TNIP3: variants seen among roughly 807,000 people sequenced by gnomAD.
The protein encoded by TNIP3 is TNFAIP3 interacting protein 3.
Under a neutral mutation model 54.1 loss-of-function variants are expected in TNIP3, and 34 were observed. The observed-to-expected ratio is 0.63, with a 90% CI of 0.48 to 0.84. The LOEUF (loss-of-function observed/expected upper bound fraction) is 0.84, where lower values mean the gene tolerates loss of function less well. Ranked by LOEUF, TNIP3 falls within the 40% of genes least tolerant of loss-of-function variation. TNIP3 has a pLI of 0.00. For synonymous variants in TNIP3, 134 were observed against 136.8 expected (o/e 0.98, Z 0.14); for missense variants, 366 against 387.6 (o/e 0.94, Z 0.47).
intron 2 of TNIP3, chr4:121,192,838 A>G (rs1725370959): frequency 6.6e-6 from 1 of 152,140 alleles, no homozygotes; most frequent in African/African-American, 2.4e-5. Flanking sequence ...GCATCCTTTC[A>G]TGTAGGCCGT....
chr4:121,201,682 G>A (rs1281880657), intron 2 of TNIP3, among the ~76,000 whole-genome samples: 1 of 152,112 alleles, frequency 6.6e-6, no homozygotes, highest in Non-Finnish European at 1.5e-5. Flanking sequence ...TAACCAACTA[G>A]CTATGATTTG....
At chr4:121,178,400 T>G (rs9307490) in intron 3 of TNIP3, among the ~76,000 whole-genome samples, 50,734 of 152,156 alleles carry the variant, frequency 0.33, 9,965 homozygotes, top group African/African-American at 0.55. Flanking sequence ...AACACTGGAA[T>G]TGCAAGCTAA....
rs550681150 is a variant in TNIP3 at position 121,173,883 on chromosome 4, G to A, written c.189+8793C>T. On this transcript the variant is annotated intron_variant, in intron 3 of 12. Coordinates refer to the TNIP3 transcript ENST00000507879. ...TGACCACAAGTGATCCACCTGCCTC[G>A]GCCTCCCAAAGTGCTGGGATTACAG... Among the ~76,000 whole-genome samples, 11 of 152,162 alleles carry A rather than the reference G, an allele frequency of 7.2e-5. No homozygotes were observed. The East Asian group carries it at 9.7e-4, about 13-fold the overall frequency.
chr4:121,137,796 C>T (rs954075174), intron 10 of TNIP3: 3 of 361,954 alleles, frequency 8.3e-6, no homozygotes, highest in Admixed American at 3.4e-5. Flanking sequence ...AGCTCATCTT[C>T]AGCATTTTTA....
chr4:121,170,890 A>T lies in TNIP3; in HGVS notation c.190-6744T>A, dbSNP rs976544843. On this transcript the variant is annotated intron_variant, in intron 3 of 12. Transcript: ENST00000507879. ...GAGTGCAGTAGCATGATCTCAGCTC[A>T]CTGCAATCTCTGCCTCCCGGGTTCA... Among the ~76,000 whole-genome samples, 4 of 152,022 alleles carry T rather than the reference A, an allele frequency of 2.6e-5. No homozygotes were observed. The East Asian group carries it at 7.7e-4, about 29-fold the overall frequency.
At chr4:121,208,392 C>T (rs1296579299) in intron 2 of TNIP3, among the ~76,000 whole-genome samples, 1 of 152,166 alleles carries the variant, frequency 6.6e-6, no homozygotes, top group African/African-American at 2.4e-5. Flanking sequence ...GATCAATAAA[C>T]TGATTCATCT....
upstream of TNIP3, among the ~76,000 whole-genome samples, chr4:121,219,074 C>T (rs2148851936): frequency 6.6e-6 from 1 of 152,130 alleles, no homozygotes; most frequent in African/African-American, 2.4e-5. Context: ...GTGGTGTGCA[C>T]CTGTAATCCC....
At chr4:121,133,022 A>C (rs1272270301) in intron 10 of TNIP3, among the ~76,000 whole-genome samples, 3 of 152,186 alleles carry the variant, frequency 2.0e-5, no homozygotes, top group Non-Finnish European at 4.4e-5. Flanking sequence ...GAGAAAGAAA[A>C]CTTGCCAAAT....
rs1728498660 is a variant in TNIP3 at position 121,131,954 on chromosome 4, A to G, written c.*677T>C. ...CCAGCCCAAGACTTTATCTTTCATAATCAAGTCTTGTGATGCAGGCGCACA... is the reference window on the plus strand; with the variant it reads ...CCAGCCCAAGACTTTATCTTTCATAGTCAAGTCTTGTGATGCAGGCGCACA... On this transcript the variant is annotated 3_prime_UTR_variant, in exon 11 of 11. Transcript: ENST00000057513. 1 of 152,104 alleles carries G rather than the reference A, an allele frequency of 6.6e-6. No homozygotes were observed. The highest frequency in any genetic ancestry group is 6.6e-5 in the Admixed American group (1 of 15,258). The allele number at this position is 152,104 out of a possible 1,614,324, so 9.4% of individuals were successfully genotyped here.
At chr4:121,148,378 A>G (rs1729551595) in intron 6 of TNIP3, among the ~76,000 whole-genome samples, 1 of 152,236 alleles carries the variant, frequency 6.6e-6, no homozygotes, top group Admixed American at 6.5e-5. Flanking sequence ...TTTATGAAAA[A>G]AGAGTATCTG....
In TNIP3 at chr4:121,164,185, A is replaced by G; in HGVS notation, c.-60T>C. The G allele has an allele frequency of 6.2e-7, 1 of 1,612,208 alleles. No individual in the cohort carries two copies. Among genetic ancestry groups the G allele is most frequent in the Non-Finnish European group, 8.5e-7 (1 of 1,179,298 alleles). ...AAGAAAAACAGGGGAAAAGTCTCTT[A>G]AGGTATATTTTAGGGTGAGAGCAAG... On this transcript the variant is annotated 5_prime_UTR_variant, in exon 1 of 11. Coordinates refer to ENST00000057513, the MANE Select transcript of TNIP3 (RefSeq NM_024873.6).
rs185355136 is a variant in TNIP3, at chr4:121,173,910, C to T, written c.189+8766G>A. Among the ~76,000 whole-genome samples the T allele has an allele frequency of 1.6e-3, 241 of 152,294 alleles. 1 individual carries two copies. Among genetic ancestry groups the T allele is most frequent in the African/African-American group, 5.7e-3 (237 of 41,554 alleles). ...CCTCCCAAAGTGCTGGGATTACAGG[C>T]GTGAGCCATTGCACCTGACCAATGT... On this transcript the variant is annotated intron_variant, in intron 3 of 12. Transcript: ENST00000507879.
intron 3 of TNIP3, among the ~76,000 whole-genome samples, chr4:121,157,668 G>A (rs1730198658): frequency 6.6e-6 from 1 of 152,186 alleles, no homozygotes; most frequent in South Asian, 2.1e-4. Context: ...TAATTTATCA[G>A]TAATTTGCAG....
chr4:121,140,695 T>C, intron 9 of TNIP3, among the ~76,000 whole-genome samples: 1 of 152,108 alleles, frequency 6.6e-6, no homozygotes, highest in East Asian at 1.9e-4. Flanking sequence ...CAATCTGAGT[T>C]GACTTCTACA....
chr4:121,181,199 G>C (rs867485863), intron 3 of TNIP3, among the ~76,000 whole-genome samples: 81 of 152,324 alleles, frequency 5.3e-4, no homozygotes, highest in African/African-American at 1.9e-3. Context: ...TCAGTCATGA[G>C]CAAATAGGTC....
intron 4 of TNIP3, among the ~76,000 whole-genome samples, 185 bp from the exon 5 acceptor site, chr4:121,154,864 C>T (rs1441240795): frequency 6.6e-6 from 1 of 151,504 alleles, no homozygotes. Flanking sequence ...TTTGGATGCA[C>T]ACTAGAATTA....
upstream of TNIP3, chr4:121,164,473 G>T: frequency 2.1e-6 from 1 of 473,116 alleles, no homozygotes; most frequent in Non-Finnish European, 2.8e-6. Context: ...TTTACTGGCA[G>T]TTTCTCCCAC....
intron 2 of TNIP3, among the ~76,000 whole-genome samples, chr4:121,199,067 C>T (rs569295137): frequency 1.5e-4 from 23 of 152,098 alleles, no homozygotes; most frequent in Non-Finnish European, 3.1e-4. Context: ...ACCAAACAAA[C>T]AAAGGGACTT....
At chr4:121,158,593 C>T (rs1402946759) in intron 3 of TNIP3, 94 bp downstream of exon 3, 4 of 1,010,266 alleles carry the variant, frequency 4.0e-6, no homozygotes, top group Admixed American at 2.2e-5. Flanking sequence ...ATCCACAAAG[C>T]TCTTTGTAGC....
Sources: gnomAD v4.1 joint callset for allele counts (sites outside exome capture counted in the v4.1 genomes callset) on GRCh38, gnomAD v4.1.1 for gene constraint, MANE v1.5 for transcripts, NCBI Gene and HGNC (gene_info 2026-07-23, HGNC 2026-07-21) for gene names.